The following SGCD variants were observed in gnomAD, a reference collection of about 807,000 sequenced individuals.
The protein encoded by SGCD is sarcoglycan delta, also known as delta-sarcoglycan.
In SGCD, 18 loss-of-function variants were observed where a neutral mutation model predicts 36.6. That is an observed-to-expected ratio of 0.49 (90% CI 0.34 to 0.73). SGCD has a LOEUF of 0.73. SGCD is among the 30% of genes least tolerant of loss of function. SGCD has a pLI of 0.01. For missense variants in SGCD, 387 were observed against 346.7 expected (o/e 1.12, Z -0.92); for synonymous variants, 133 against 130.6 (o/e 1.02, Z -0.12).
intron 1 of SGCD, among the ~76,000 whole-genome samples, chr5:155,882,777 GA>G (rs1755917057): frequency 6.6e-6 from 1 of 152,162 alleles, no homozygotes; most frequent in Non-Finnish European, 1.5e-5. Context: ...TAGGATTTTG[GA>G]AATGGTCAGT....
intron 2 of SGCD, among the ~76,000 whole-genome samples, chr5:156,337,571 G>A (rs58291782): frequency 0.021 from 3,126 of 152,148 alleles, 104 homozygotes; most frequent in African/African-American, 0.07. Context: ...CCACTCCCAA[G>A]TATCATCTTA....
chr5:156,103,619 G>T (rs537322961), intron 1 of SGCD, among the ~76,000 whole-genome samples: 1 of 152,116 alleles, frequency 6.6e-6, no homozygotes, highest in East Asian at 1.9e-4. Flanking sequence ...AGTGTAATTT[G>T]GACCTAATTT....
At chr5:155,985,298 T>A (rs1758309105) in intron 1 of SGCD, among the ~76,000 whole-genome samples, 1 of 152,156 alleles carries the variant, frequency 6.6e-6, no homozygotes, top group South Asian at 2.1e-4. Flanking sequence ...TTGGTAGGCC[T>A]CAATTCTATG....
the SGCD span, among the ~76,000 whole-genome samples, chr5:155,791,854 A>G: frequency 2.0e-5 from 3 of 152,224 alleles, no homozygotes; most frequent in Non-Finnish European, 2.9e-5. Flanking sequence ...TACAGATTCA[A>G]TGCTATCCCT....
At chr5:156,699,877 T>G (rs990802589) in intron 7 of SGCD, among the ~76,000 whole-genome samples, 5 of 152,220 alleles carry the variant, frequency 3.3e-5, no homozygotes, top group Non-Finnish European at 7.3e-5. Flanking sequence ...CAATGTTTAC[T>G]GTAGTGGCAT....
the SGCD span, among the ~76,000 whole-genome samples, chr5:155,816,922 G>A: frequency 6.6e-6 from 1 of 152,050 alleles, no homozygotes. Context: ...TTCTTTATTA[G>A]CCTGATGCCT....
At chr5:156,414,738 A>G (rs1275184948) in intron 3 of SGCD, among the ~76,000 whole-genome samples, 1 of 152,250 alleles carries the variant, frequency 6.6e-6, no homozygotes, top group Non-Finnish European at 1.5e-5. Context: ...ATAATCTGTT[A>G]TTAAACAACA....
intron 1 of SGCD, among the ~76,000 whole-genome samples, chr5:155,886,500 A>G (rs679656): frequency 0.88 from 132,620 of 150,792 alleles, 58,216 homozygotes; most frequent in Admixed American, 0.91. Flanking sequence ...GTGTGCGCGC[A>G]CGCGCGCGTG....
intron 6 of SGCD, among the ~76,000 whole-genome samples, chr5:156,608,149 T>C (rs1761578526): frequency 6.6e-6 from 1 of 152,248 alleles, no homozygotes; most frequent in Admixed American, 6.5e-5. Context: ...GTGTCAATTT[T>C]AGATCTTTCC....
intron 1 of SGCD, among the ~76,000 whole-genome samples, chr5:155,887,090 A>G (rs1231357621): frequency 6.6e-6 from 1 of 152,202 alleles, no homozygotes; most frequent in Non-Finnish European, 1.5e-5. Flanking sequence ...CTGACCGTGT[A>G]TCTCATGGTT....
intron 1 of SGCD, among the ~76,000 whole-genome samples, chr5:155,911,132 G>T (rs975414004): frequency 4.6e-5 from 7 of 151,820 alleles, no homozygotes; most frequent in African/African-American, 1.7e-4. Context: ...TTAACATCTG[G>T]GATTAATAGT....
At chr5:156,656,531 C>T (rs1378194514) in intron 7 of SGCD, among the ~76,000 whole-genome samples, 1 of 151,926 alleles carries the variant, frequency 6.6e-6, no homozygotes, top group African/African-American at 2.4e-5. Flanking sequence ...AGCAAACAGC[C>T]CAACATATTT....
chr5:155,831,380 T>C, the SGCD span, among the ~76,000 whole-genome samples: 3 of 152,206 alleles, frequency 2.0e-5, no homozygotes, highest in Non-Finnish European at 2.9e-5. Context: ...AGATTTACCA[T>C]TGTTTTAAGT....
At chr5:156,270,669 A>G (rs371702255) in intron 3 of SGCD, among the ~76,000 whole-genome samples, 27 of 152,304 alleles carry the variant, frequency 1.8e-4, no homozygotes, top group Middle Eastern at 6.8e-3. Context: ...CTCTAGAACC[A>G]AAGGACCTGG....
At chr5:156,199,362 A>G (rs1404124596) in intron 3 of SGCD, among the ~76,000 whole-genome samples, 1 of 152,162 alleles carries the variant, frequency 6.6e-6, no homozygotes, top group Admixed American at 6.6e-5. Context: ...AAAGAACAAA[A>G]ATAATGTCTT....
intron 1 of SGCD, among the ~76,000 whole-genome samples, chr5:156,110,933 T>G (rs1466524866): frequency 6.6e-6 from 1 of 152,124 alleles, no homozygotes; most frequent in African/African-American, 2.4e-5. Context: ...AAATGTGTTG[T>G]GAAGTGTCTG....
intron 1 of SGCD, among the ~76,000 whole-genome samples, chr5:156,032,917 A>G (rs1759386538): frequency 6.6e-6 from 1 of 151,280 alleles, no homozygotes; most frequent in African/African-American, 2.4e-5. Flanking sequence ...ACAAAAATTA[A>G]AATAAAAACA....
At position 156,215,479 on chromosome 5, in the gene SGCD, A is replaced by G. The variant is rs576893367; in HGVS notation, c.-44+91460A>G. ...CTATGTAAGGAACTCAAGAAACTCAATAGCAAGAAGACAAATAACCTGATT... is the reference window on the plus strand; with the variant it reads ...CTATGTAAGGAACTCAAGAAACTCAGTAGCAAGAAGACAAATAACCTGATT... On this transcript the variant is annotated intron_variant, in intron 3 of 9. Transcript: ENST00000517913. Among the ~76,000 whole-genome samples the G allele has an allele frequency of 3.9e-5, 6 of 152,250 alleles. No individual in the cohort carries two copies. The East Asian group carries it at 9.6e-4, about 24-fold the overall frequency.
chr5:155,929,630 C>T (rs762273740), intron 1 of SGCD, among the ~76,000 whole-genome samples: 8 of 152,102 alleles, frequency 5.3e-5, no homozygotes, highest in African/African-American at 1.2e-4. Context: ...TGGATTCTTC[C>T]GCTCTGTAAA....
Sources: allele counts gnomAD v4.1 joint callset (sites outside exome capture counted in the v4.1 genomes callset), GRCh38; gene constraint gnomAD v4.1.1; transcripts MANE v1.5; gene names NCBI Gene and HGNC (gene_info 2026-07-23, HGNC 2026-07-21).